The following CLEC5A variants were observed in gnomAD, a reference collection of about 807,000 sequenced individuals.
The protein encoded by CLEC5A is C-type lectin domain family 5 member A.
In CLEC5A, 15 loss-of-function variants were observed where a neutral mutation model predicts 24.4. The observed-to-expected ratio is 0.62, with a 90% CI of 0.41 to 0.95. The LOEUF (loss-of-function observed/expected upper bound fraction) is 0.95. Ranked by LOEUF, CLEC5A falls within the 40% of genes least tolerant of loss-of-function variation. CLEC5A has a pLI of 0.00. For synonymous variants in CLEC5A, 71 were observed against 72.6 expected, an observed-to-expected ratio of 0.98 and a Z score of 0.11; for missense variants, 211 against 224.0, an observed-to-expected ratio of 0.94 and a Z score of 0.37.
At chr7:141,937,013 C>A (rs1554441191) in intron 4 of CLEC5A, among the ~76,000 whole-genome samples, 1 of 151,902 alleles carries the variant, frequency 6.6e-6, no homozygotes, top group Admixed American at 6.6e-5. Flanking sequence ...GGATCCCTTA[C>A]CTGCTGATGA....
In CLEC5A at chr7:141,929,493, T is replaced by A. The variant is rs1415114964; in HGVS notation, c.*611A>T. 6.6e-6 allele frequency: 1 copy of A among 152,268 alleles called. No individual in the cohort carries two copies. Among genetic ancestry groups the A allele is most frequent in the Non-Finnish European group, 1.5e-5 (1 of 68,116 alleles). The allele number at this position is 152,268 out of a possible 1,614,324, so 9.4% of individuals were successfully genotyped here. Reference sequence around the variant, plus strand: ...TTTGGCTCCCTTGGCTGCCTGGTTTTCTTCAAAGGGGTCTCCAAGAAGGTT... The same window carrying A: ...TTTGGCTCCCTTGGCTGCCTGGTTTACTTCAAAGGGGTCTCCAAGAAGGTT... On this transcript the variant is annotated 3_prime_UTR_variant, in exon 7 of 7. Transcript: ENST00000546910.
At chr7:141,931,179 G>T (rs1554440313) in intron 6 of CLEC5A, among the ~76,000 whole-genome samples, 1 of 152,192 alleles carries the variant, frequency 6.6e-6, no homozygotes, top group African/African-American at 2.4e-5. Context: ...AAACTTGTAT[G>T]TACTTTGTAA....
Position 141,929,931 on chromosome 7 carries a change from C to T in CLEC5A, c.*173G>A, listed in dbSNP as rs1802401800. On this transcript the variant is annotated 3_prime_UTR_variant, in exon 7 of 7. Transcript: ENST00000546910. ...TGTTTCCGTAAAACTGATCCTGTCT[C>T]CTGGAGATGGCTAGCATCCAGTCCC... 1 of 582,206 alleles carries T rather than the reference C, an allele frequency of 1.7e-6. No individual in the cohort carries two copies. Among genetic ancestry groups the T allele is most frequent in the East Asian group, 2.9e-5 (1 of 33,996 alleles). 36.1% of individuals were successfully genotyped at this position (582,206 alleles called of 1,614,324 possible).
chr7:141,942,835 A>G (rs1457308349), intron 4 of CLEC5A, among the ~76,000 whole-genome samples: 1 of 152,214 alleles, frequency 6.6e-6, no homozygotes, highest in African/African-American at 2.4e-5. Context: ...GGTGCTCAAC[A>G]CCATTCCTCA....
chr7:141,930,261 A>G (rs782656672), intron 6 of CLEC5A, 43 bp from the exon 7 acceptor site: 2 of 1,474,756 alleles, frequency 1.4e-6, no homozygotes, highest in Admixed American at 3.4e-5. Flanking sequence ...CAAACAAAAA[A>G]CAAAGCATGG....
chr7:141,939,900 T>C (rs1554441474), intron 4 of CLEC5A, among the ~76,000 whole-genome samples: 1 of 152,090 alleles, frequency 6.6e-6, no homozygotes, highest in East Asian at 1.9e-4. Context: ...AATATAAATA[T>C]ATATGCATCC....
At chr7:141,946,508 A>C (rs1257756902) in intron 1 of CLEC5A, among the ~76,000 whole-genome samples, 196 bp from the exon 2 acceptor site, 2 of 152,190 alleles carry the variant, frequency 1.3e-5, no homozygotes, top group African/African-American at 2.4e-5. Context: ...GGAGCCTTGG[A>C]ACTTGGCATA....
At chr7:141,943,036 A>G (rs1299404989) in intron 4 of CLEC5A, among the ~76,000 whole-genome samples, 3 of 152,168 alleles carry the variant, frequency 2.0e-5, no homozygotes, top group African/African-American at 7.2e-5. Context: ...AAAACTGTAA[A>G]TAGAACTACC....
chr7:141,944,010 C>T (rs1554441881), intron 3 of CLEC5A, 46 bp from the exon 4 acceptor site: 2 of 1,145,154 alleles, frequency 1.7e-6, no homozygotes, highest in South Asian at 1.2e-5. Context: ...ATGAATACAA[C>T]ACAGAAACAG....
At chr7:141,941,960 T>G (rs534196388) in intron 4 of CLEC5A, among the ~76,000 whole-genome samples, 1 of 151,986 alleles carries the variant, frequency 6.6e-6, no homozygotes, top group East Asian at 1.9e-4. Context: ...TATTCCATGT[T>G]TGTGGATTGG....
In CLEC5A at chr7:141,931,797, C is replaced by A. The variant is rs781992335; in HGVS notation, c.375G>T (p.Glu125Asp). 6.2e-7 allele frequency: 1 copy of A among 1,603,760 alleles called. No homozygotes were observed. Among genetic ancestry groups the A allele is most frequent in the Non-Finnish European group, 8.5e-7 (1 of 1,171,376 alleles). ...LKFLQDITDA[E>D]KYFIGLIYHR... ...GGTAAATTAAGCCAATAAAATACTT[C>A]TCAGCATCAGTTATGTCCTGAAGAA... Residue 125 changes from glutamate to aspartate, a missense_variant, in exon 6 of 7, where the codon GAG becomes GAT. Coordinates refer to ENST00000546910, the MANE Select transcript of CLEC5A (RefSeq NM_013252.3).
chr7:141,935,871 CCTG>C lies in CLEC5A; in HGVS notation c.285_287del (p.Ser95del). 6.2e-7 allele frequency: 1 copy of C among 1,613,694 alleles called. No homozygotes were observed. The highest frequency in any genetic ancestry group is 8.5e-7 in the Non-Finnish European group (1 of 1,179,684). ...TGGATCCTTTTCCTTTGCAAAAGTC[CCTG>C]CTTTCATTCCAAGATGATTCAGAAG... On this transcript the variant is annotated inframe_deletion, in exon 5 of 7. Coordinates refer to ENST00000546910, the MANE Select transcript of CLEC5A (RefSeq NM_013252.3).
chr7:141,944,621 G>C (rs1450772102), intron 3 of CLEC5A, among the ~76,000 whole-genome samples: 1 of 152,176 alleles, frequency 6.6e-6, no homozygotes, highest in Non-Finnish European at 1.5e-5. Context: ...CTGGCTGTCT[G>C]AGCAGGCAGC....
rs1554439973 is a variant in CLEC5A at position 141,929,342 on chromosome 7, C to G, written c.*762G>C. The G allele has an allele frequency of 6.6e-6, 1 of 152,168 alleles. No homozygotes were observed. Among genetic ancestry groups the G allele is most frequent in the Admixed American group, 6.5e-5 (1 of 15,276 alleles). 9.4% of individuals were successfully genotyped at this position (152,168 alleles called of 1,614,324 possible). A position where few individuals can be genotyped will look rare whatever the true frequency, so the allele number is the denominator to read the frequency against. On this transcript the variant is annotated 3_prime_UTR_variant, in exon 7 of 7. Transcript: ENST00000546910. ...TCAAAACCTTCAGAGCAAAGGAAGC[C>G]TGCTTACCTAAATTTTGGTTACAAA...
chr7:141,946,134 A>C, intron 2 of CLEC5A, 80 bp downstream of exon 2: 1 of 1,460,598 alleles, frequency 6.8e-7, no homozygotes, highest in Non-Finnish European at 9.3e-7. Flanking sequence ...TAACCTTTAC[A>C]CACAACCATG....
At position 141,934,088 on chromosome 7, in the gene CLEC5A, A is replaced by C. The variant is rs143297303; in HGVS notation, c.345+1726T>G. ...TAGCATGGGCTGGAACCTGACCCTG[A>C]GTGTGACATTTGGCATGGTCATGAA... On this transcript the variant is annotated intron_variant, in intron 5 of 6. Coordinates refer to ENST00000546910, the MANE Select transcript of CLEC5A (RefSeq NM_013252.3). 1.6e-4 allele frequency among the ~76,000 whole-genome samples: 24 copies of C among 152,312 alleles called. No homozygotes were observed. In the East Asian group the frequency reaches 4.1e-3, roughly 26 times the overall value.
At chr7:141,939,671 G>A (rs1377720249) in intron 4 of CLEC5A, among the ~76,000 whole-genome samples, 4 of 151,840 alleles carry the variant, frequency 2.6e-5, no homozygotes, top group African/African-American at 9.7e-5. Flanking sequence ...AAGACCTAAT[G>A]ATCTATTTCC....
intron 4 of CLEC5A, among the ~76,000 whole-genome samples, chr7:141,941,084 C>T (rs1030300222): frequency 6.6e-6 from 1 of 152,062 alleles, no homozygotes; most frequent in East Asian, 1.9e-4. Context: ...TTCTATGAAG[C>T]CTACATTACC....
At chr7:141,940,982 C>T (rs1011923543) in intron 4 of CLEC5A, among the ~76,000 whole-genome samples, 17 of 152,030 alleles carry the variant, frequency 1.1e-4, no homozygotes, top group African/African-American at 4.1e-4. Flanking sequence ...GATTTCACTG[C>T]TGAATTCTGC....
Sources: gnomAD v4.1 joint callset for allele counts (sites outside exome capture counted in the v4.1 genomes callset) on GRCh38, gnomAD v4.1.1 for gene constraint, MANE v1.5 for transcripts, NCBI Gene and HGNC (gene_info 2026-07-23, HGNC 2026-07-21) for gene names.